JHY: variants seen among roughly 807,000 people sequenced by gnomAD.
JHY encodes the protein junctional cadherin complex regulator.
Under a neutral mutation model 78.0 loss-of-function variants are expected in JHY, and 69 were observed. The ratio of observed to expected loss-of-function variants is 0.88; its 90% confidence interval spans 0.73 to 1.08. The LOEUF is 1.08. Among genes scored for constraint, JHY ranks in the 50% least tolerant of loss-of-function variants. The pLI is 0.00. For missense variants in JHY, 944 were observed against 927.8 expected, an observed-to-expected ratio of 1.02 and a Z score of -0.23; for synonymous variants, 368 against 342.6, an observed-to-expected ratio of 1.07 and a Z score of -0.82.
intron 2 of JHY, among the ~76,000 whole-genome samples, chr11:122,894,454 GA>G (rs1021274810): frequency 2.0e-5 from 3 of 152,132 alleles, no homozygotes; most frequent in African/African-American, 7.2e-5. Flanking sequence ...TTTGGAGAAT[GA>G]AAAAAACACT....
At chr11:122,932,623 T>C (rs981603312) in intron 4 of JHY, among the ~76,000 whole-genome samples, 9 of 152,222 alleles carry the variant, frequency 5.9e-5, no homozygotes, top group African/African-American at 1.7e-4. Context: ...CATCAATTAA[T>C]ACTTTTAGGT....
chr11:122,904,420 AAG>A lies in JHY; in HGVS notation c.843_844del (p.Glu283IlefsTer32), dbSNP rs778053174. 2.5e-6 allele frequency: 4 copies of A among 1,613,420 alleles called. No individual in the cohort carries two copies. Among genetic ancestry groups the A allele is most frequent in the Non-Finnish European group, 3.4e-6 (4 of 1,179,522 alleles). ...DSYLQLHNKK[R>X]GESHPEQISY... is the part of the protein sequence containing the mutation. ...CTTATCTTCAACTTCACAATAAAAA[AAG>A]AGGGGAATCTCATCCAGAACAGGTA... On this transcript the variant is annotated frameshift_variant, in exon 3 of 9. Coordinates refer to ENST00000227349, the MANE Select transcript of JHY (RefSeq NM_024806.4). LOFTEE classifies it high-confidence loss of function.
chr11:122,912,947 A>T, intron 3 of JHY, among the ~76,000 whole-genome samples: 1 of 151,868 alleles, frequency 6.6e-6, no homozygotes, highest in South Asian at 2.1e-4. Flanking sequence ...ACCACTAGGC[A>T]CTCCTTACAC....
chr11:122,908,201 G>A (rs1863035803), intron 3 of JHY, among the ~76,000 whole-genome samples: 1 of 152,138 alleles, frequency 6.6e-6, no homozygotes, highest in Non-Finnish European at 1.5e-5. Context: ...AAACATTAGA[G>A]TGCACCAGAA....
At chr11:122,927,003 C>G (rs950549611) in intron 4 of JHY, 1 of 152,202 alleles carries the variant, frequency 6.6e-6, no homozygotes, top group Non-Finnish European at 1.5e-5. Context: ...CCATAGGATT[C>G]TCAGCTAATG....
intron 4 of JHY, among the ~76,000 whole-genome samples, chr11:122,927,751 A>T (rs1349823812): frequency 1.5e-5 from 2 of 133,744 alleles, no homozygotes; most frequent in African/African-American, 2.8e-5. Flanking sequence ...TTTTTTTGAG[A>T]CGGAGTTTTG....
rs1864357907 is a variant in JHY at position 122,963,784 on chromosome 11, A to G, written c.*4339A>G. On this transcript the variant is annotated 3_prime_UTR_variant, in exon 9 of 9. Transcript: ENST00000227349. ...GAGCACCTGTATTTGACTAGATGTTATATACATGCCATTGAAAGACATAGT... is the reference window on the plus strand; with the variant it reads ...GAGCACCTGTATTTGACTAGATGTTGTATACATGCCATTGAAAGACATAGT... Among the ~76,000 whole-genome samples the G allele has an allele frequency of 6.6e-6, 1 of 152,188 alleles. No individual in the cohort carries two copies. The highest frequency in any genetic ancestry group is 2.4e-5 in the African/African-American group (1 of 41,450).
chr11:122,921,487 CTTAG>C (rs1484721397), intron 3 of JHY, among the ~76,000 whole-genome samples: 4 of 152,260 alleles, frequency 2.6e-5, no homozygotes, highest in East Asian at 1.9e-4. Context: ...GCTAAGTCAG[CTTAG>C]TTAGTTTTTT....
At chr11:122,890,102 A>G (rs1862579981) in intron 2 of JHY, among the ~76,000 whole-genome samples, 1 of 151,734 alleles carries the variant, frequency 6.6e-6, no homozygotes, top group Non-Finnish European at 1.5e-5. Context: ...ATATATATAT[A>G]TAAATGAAAG....
At chr11:122,896,342 CA>C (rs11370911) in intron 2 of JHY, among the ~76,000 whole-genome samples, 835 of 73,356 alleles carry the variant, frequency 0.011, 10 homozygotes, top group Admixed American at 0.083. Flanking sequence ...GACTCTGTCT[CA>C]AAAAAAAAAA....
intron 6 of JHY, among the ~76,000 whole-genome samples, chr11:122,951,002 T>G (rs1030986063): frequency 1.3e-5 from 2 of 152,224 alleles, no homozygotes; most frequent in South Asian, 4.1e-4. Flanking sequence ...TTTAAGCTAT[T>G]CCAGAAGCTA....
chr11:122,888,511 G>A (rs1021219651), intron 2 of JHY, among the ~76,000 whole-genome samples: 1 of 151,948 alleles, frequency 6.6e-6, no homozygotes, highest in South Asian at 2.1e-4. Flanking sequence ...AGTGCTTGGA[G>A]GATGTCCTTG....
chr11:122,923,622 C>T (rs1427585979), intron 3 of JHY, among the ~76,000 whole-genome samples: 1 of 152,192 alleles, frequency 6.6e-6, no homozygotes, highest in Non-Finnish European at 1.5e-5. Flanking sequence ...ACTTAGGAAC[C>T]TAAATCCTGC....
At chr11:122,950,541 A>G (rs906018225) in intron 6 of JHY, among the ~76,000 whole-genome samples, 12 of 152,148 alleles carry the variant, frequency 7.9e-5, no homozygotes, top group Admixed American at 5.2e-4. Flanking sequence ...TCTGTTCCCA[A>G]TATCTCTTAT....
intron 5 of JHY, among the ~76,000 whole-genome samples, chr11:122,937,940 C>A (rs977127844): frequency 2.0e-5 from 3 of 152,148 alleles, no homozygotes; most frequent in African/African-American, 7.2e-5. Context: ...CTCAGAATTG[C>A]CTTCTTGCAT....
chr11:122,942,450 G>A (rs192983591), intron 5 of JHY, among the ~76,000 whole-genome samples: 2 of 152,180 alleles, frequency 1.3e-5, no homozygotes, highest in East Asian at 3.9e-4. Context: ...TTGAGACAGA[G>A]TCTCACTCTG....
At chr11:122,910,482 A>AT (rs1863092250) in intron 3 of JHY, among the ~76,000 whole-genome samples, 1 of 151,632 alleles carries the variant, frequency 6.6e-6, no homozygotes, top group Non-Finnish European at 1.5e-5. Flanking sequence ...AAAAAAAAAA[A>AT]CCAAAAAACA....
chr11:122,948,063 A>C lies in JHY; in HGVS notation c.1929+1271A>C, dbSNP rs1471609398. Among the ~76,000 whole-genome samples, 6 of 152,188 alleles carry C rather than the reference A, an allele frequency of 3.9e-5. No homozygotes were observed. In the East Asian group the frequency reaches 1.2e-3, roughly 29 times the overall value. Reference sequence around the variant, plus strand: ...AACACTCCCAGCGTCTGGAGAAATGAGTGCCTCAGTACAGAAGGGCCTCCG... The same window carrying C: ...AACACTCCCAGCGTCTGGAGAAATGCGTGCCTCAGTACAGAAGGGCCTCCG... On this transcript the variant is annotated intron_variant, in intron 6 of 8. Coordinates refer to ENST00000227349, the MANE Select transcript of JHY (RefSeq NM_024806.4).
chr11:122,951,867 C>T (rs894049310), intron 6 of JHY, among the ~76,000 whole-genome samples: 4 of 152,108 alleles, frequency 2.6e-5, no homozygotes, highest in African/African-American at 9.7e-5. Flanking sequence ...GATGCCAGCT[C>T]ATGTGCATCT....
Sources: gnomAD v4.1 joint callset for allele counts (sites outside exome capture counted in the v4.1 genomes callset) on GRCh38, gnomAD v4.1.1 for gene constraint, MANE v1.5 for transcripts, NCBI Gene and HGNC (gene_info 2026-07-23, HGNC 2026-07-21) for gene names.